Variants in XKR4 observed in about 807,000 individuals in gnomAD.
XKR4 encodes the protein XK-related protein 4.
In XKR4, 12 loss-of-function variants were observed where a neutral mutation model predicts 53.9. The observed-to-expected ratio is 0.22, with a 90% CI of 0.14 to 0.36. The LOEUF (loss-of-function observed/expected upper bound fraction) is 0.36. Ranked by LOEUF, XKR4 falls within the 10% of genes least tolerant of loss-of-function variation. XKR4 has a pLI of 1.00. For missense variants in XKR4, 799 were observed against 859.5 expected (o/e 0.93, Z 0.88); for synonymous variants, 354 against 362.4 (o/e 0.98, Z 0.26).
intron 1 of XKR4, among the ~76,000 whole-genome samples, chr8:55,187,413 CTGAAGTTGTTGTAA>C (rs778874455): frequency 1.3e-5 from 2 of 150,496 alleles, no homozygotes; most frequent in Non-Finnish European, 2.9e-5. Flanking sequence ...GAATTATAGA[CTGAAGTTGTTGTAA>C]TGAATTTGGA....
At chr8:55,215,837 A>G (rs989193111) in intron 1 of XKR4, among the ~76,000 whole-genome samples, 1 of 152,232 alleles carries the variant, frequency 6.6e-6, no homozygotes, top group African/African-American at 2.4e-5. Flanking sequence ...CAACAGCAAG[A>G]CAAAAATGCC....
chr8:55,185,404 C>G (rs949428569), intron 1 of XKR4, among the ~76,000 whole-genome samples: 4 of 152,118 alleles, frequency 2.6e-5, no homozygotes, highest in African/African-American at 9.7e-5. Context: ...GCATGTATTC[C>G]TTTTCAATAA....
At chr8:55,319,893 C>T (rs900830985) in intron 1 of XKR4, among the ~76,000 whole-genome samples, 5 of 152,130 alleles carry the variant, frequency 3.3e-5, no homozygotes, top group Admixed American at 6.6e-5. Flanking sequence ...GATCCATAAT[C>T]TGTACTTTTT....
intron 1 of XKR4, among the ~76,000 whole-genome samples, chr8:55,196,901 C>T (rs986387949): frequency 5.3e-5 from 8 of 152,070 alleles, no homozygotes; most frequent in South Asian, 2.1e-4. Flanking sequence ...TGTGATTGGA[C>T]GGACGCTAGA....
chr8:55,476,459 A>G (rs1805986115), intron 2 of XKR4, among the ~76,000 whole-genome samples: 1 of 152,174 alleles, frequency 6.6e-6, no homozygotes, highest in South Asian at 2.1e-4. Context: ...GAACAGCTCC[A>G]ATCTACAGCT....
intron 1 of XKR4, among the ~76,000 whole-genome samples, chr8:55,349,828 C>T (rs1012142846): frequency 1.7e-4 from 26 of 152,102 alleles, no homozygotes; most frequent in African/African-American, 6.0e-4. Context: ...TTCTAGAGAA[C>T]AATTTTACAA....
intron 1 of XKR4, among the ~76,000 whole-genome samples, chr8:55,297,582 A>G (rs975746545): frequency 1.3e-5 from 2 of 152,186 alleles, no homozygotes; most frequent in African/African-American, 4.8e-5. Context: ...GAAAGGTTAC[A>G]GTTTCTGCTT....
At position 55,102,372 on chromosome 8, in the gene XKR4, A is replaced by C; in HGVS notation, c.-117A>C. On this transcript the variant is annotated 5_prime_UTR_variant, in exon 1 of 3. Coordinates refer to ENST00000327381, the MANE Select transcript of XKR4 (RefSeq NM_052898.2). This position sits in a 1 kb window ranked among gnomAD's most constrained non-coding sequence, Gnocchi z 5.1. ...GGCGAGCCGACGCAGGAGCAGGAGGAGGGGGAGCCGCACCGCCTGGGAGGG... is the reference window on the plus strand; with the variant it reads ...GGCGAGCCGACGCAGGAGCAGGAGGCGGGGGAGCCGCACCGCCTGGGAGGG... 3 of 1,253,028 alleles carry C rather than the reference A, an allele frequency of 2.4e-6. No individual in the cohort carries two copies. The highest frequency in any genetic ancestry group is 3.5e-5 in the Admixed American group (1 of 28,732). The allele number at this position is 1,253,028 out of a possible 1,614,324, so 77.6% of individuals were successfully genotyped here.
chr8:55,331,611 T>A (rs192913925), intron 1 of XKR4, among the ~76,000 whole-genome samples: 48 of 152,334 alleles, frequency 3.2e-4, no homozygotes, highest in African/African-American at 1.1e-3. Context: ...ATGCTGCAGA[T>A]ATTTAGGAAG....
intron 2 of XKR4, among the ~76,000 whole-genome samples, chr8:55,359,262 C>A (rs1029595451): frequency 7.2e-5 from 11 of 152,132 alleles, no homozygotes; most frequent in African/African-American, 2.7e-4. Flanking sequence ...CATGCAGAGG[C>A]CTGGGCTCTG....
chr8:55,479,167 A>C (rs1460754736), intron 2 of XKR4, among the ~76,000 whole-genome samples: 1 of 152,138 alleles, frequency 6.6e-6, no homozygotes, highest in African/African-American at 2.4e-5. Flanking sequence ...ACTCCTCAGC[A>C]AATATAAAAG....
chr8:55,266,983 A>G lies in XKR4; in HGVS notation c.807-90695A>G, dbSNP rs563547866. Reference sequence around the variant, plus strand: ...AAATGAATTCACGACCTCTCCTCCCATTATGCAATGACAAGATCAAAGATC... The same window carrying G: ...AAATGAATTCACGACCTCTCCTCCCGTTATGCAATGACAAGATCAAAGATC... On this transcript the variant is annotated intron_variant, in intron 1 of 2. Transcript: ENST00000327381. Among the ~76,000 whole-genome samples, 418 of 152,346 alleles carry G rather than the reference A, an allele frequency of 2.7e-3. 2 individuals carry two copies. Among genetic ancestry groups the G allele is most frequent in the Admixed American group, 4.2e-3 (65 of 15,304 alleles).
intron 2 of XKR4, among the ~76,000 whole-genome samples, chr8:55,516,364 T>C (rs1806714408): frequency 6.6e-6 from 1 of 152,186 alleles, no homozygotes; most frequent in Non-Finnish European, 1.5e-5. Context: ...GGAGAAGATA[T>C]ATGTGTAATG....
intron 2 of XKR4, chr8:55,454,127 TC>T: frequency 1.2e-6 from 1 of 865,360 alleles, no homozygotes. Flanking sequence ...GAAGGCGAGG[TC>T]AACCAACTCC....
intron 1 of XKR4, among the ~76,000 whole-genome samples, chr8:55,293,099 C>T (rs1435445517): frequency 6.6e-6 from 1 of 152,156 alleles, no homozygotes; most frequent in African/African-American, 2.4e-5. Context: ...TTGTAGGAAG[C>T]CGAGGCAGGC....
chr8:55,187,305 C>CAAAA (rs1168014848), intron 1 of XKR4, among the ~76,000 whole-genome samples: 4,055 of 94,932 alleles, frequency 0.043, 141 homozygotes, highest in African/African-American at 0.11. Flanking sequence ...TTTCCAGGAC[C>CAAAA]AAAAAAAAAA....
intron 2 of XKR4, among the ~76,000 whole-genome samples, chr8:55,362,159 C>A (rs1346451736): frequency 1.3e-5 from 2 of 152,050 alleles, no homozygotes. Context: ...CTTGATCTTG[C>A]AGAAATCTAC....
At chr8:55,479,925 G>A (rs78641099) in intron 2 of XKR4, among the ~76,000 whole-genome samples, 114,290 of 151,738 alleles carry the variant, frequency 0.75, 43,590 homozygotes, top group African/African-American at 0.88. Flanking sequence ...ACCAAGCAAA[G>A]AAAAGTCCAG....
chr8:55,440,273 A>G (rs1245629262), intron 2 of XKR4, among the ~76,000 whole-genome samples: 1 of 152,200 alleles, frequency 6.6e-6, no homozygotes, highest in Non-Finnish European at 1.5e-5. Context: ...TAAAAAAGGT[A>G]GAAGATGCAA....
Sources: gnomAD v4.1 joint callset for allele counts (sites outside exome capture counted in the v4.1 genomes callset) on GRCh38, gnomAD v4.1.1 for gene constraint, Gnocchi (gnomAD v3.1) non-coding constraint, MANE v1.5 for transcripts, NCBI Gene and HGNC (gene_info 2026-07-23, HGNC 2026-07-21) for gene names.